TCEA2: variants seen among roughly 807,000 people sequenced by gnomAD.
TCEA2 encodes the protein transcription elongation factor A2.
In TCEA2, 21 loss-of-function variants were observed where a neutral mutation model predicts 40.8. That is an observed-to-expected ratio of 0.51 (90% CI 0.36 to 0.74). The LOEUF (loss-of-function observed/expected upper bound fraction) is 0.74, where lower values mean the gene tolerates loss of function less well. Ranked by LOEUF, TCEA2 falls within the 30% of genes least tolerant of loss-of-function variation. TCEA2 has a pLI of 0.00. For missense variants in TCEA2, 326 were observed against 426.5 expected (o/e 0.76, Z 2.08); for synonymous variants, 165 against 162.7 (o/e 1.01, Z -0.11).
intron 2 of TCEA2, 85 bp from the exon 3 acceptor site, chr20:64,066,830 G>T (rs2059704774): frequency 7.3e-7 from 1 of 1,371,732 alleles, no homozygotes; most frequent in Non-Finnish European, 1.0e-6. Context: ...CTCCTGTCCT[G>T]TGGGGGCCAC....
At chr20:64,065,981 A>T in intron 1 of TCEA2, 1 of 151,568 alleles carries the variant, frequency 6.6e-6, no homozygotes, top group Non-Finnish European at 1.5e-5. Context: ...TTGGCCCTTC[A>T]CAGCTGGTGG....
Position 64,066,462 on chromosome 20 carries a change from C to T in TCEA2, c.73-14C>T, listed in dbSNP as rs2059696615. On this transcript the variant is annotated splice_polypyrimidine_tract_variant and intron_variant, in intron 1 of 9. Coordinates refer to ENST00000343484, the MANE Select transcript of TCEA2 (RefSeq NM_003195.6). The stretch of plus-strand genomic sequence containing the variant: ...ATCTAAAGTCCTTTATGAAGGTCCT[C>T]CTTCTCCTTCCAGGAGGGAGCCATG... The T allele has an allele frequency of 6.2e-7, 1 of 1,613,284 alleles. No individual in the cohort carries two copies. The highest frequency in any genetic ancestry group is 8.5e-7 in the Non-Finnish European group (1 of 1,179,376).
upstream of TCEA2, among the ~76,000 whole-genome samples, chr20:64,061,654 G>A (rs189538294): frequency 2.4e-3 from 353 of 150,154 alleles, 2 homozygotes; most frequent in Middle Eastern, 0.011. Context: ...CAGATAATCC[G>A]CCCACCTCAG....
At chr20:64,069,309 T>A in intron 4 of TCEA2, 52 bp from the exon 5 acceptor site, 1 of 1,521,682 alleles carries the variant, frequency 6.6e-7, no homozygotes, top group Non-Finnish European at 8.9e-7. Context: ...AGTGTCTCGC[T>A]GGGGTGCCTG....
At chr20:64,070,750 A>G in intron 8 of TCEA2, 115 bp downstream of exon 8, 3 of 1,388,030 alleles carry the variant, frequency 2.2e-6, no homozygotes, top group Non-Finnish European at 2.9e-6. Context: ...CGAGCCTCTC[A>G]GTCCCTGAGT....
In TCEA2 at chr20:64,058,018, C is replaced by T. The variant is rs2059496542; in HGVS notation, c.-84+367C>T. Reference sequence around the variant, plus strand: ...CCTCTGCCCGGGGGCGGGACCATCCCACCGGATTGCAGGTTCCCTGATCAC... The same window carrying T: ...CCTCTGCCCGGGGGCGGGACCATCCTACCGGATTGCAGGTTCCCTGATCAC... On this transcript the variant is annotated intron_variant, in intron 1 of 10. Transcript: ENST00000361317. This position sits in a 1 kb window ranked among gnomAD's most constrained non-coding sequence, Gnocchi z 6.7. Among the ~76,000 whole-genome samples, 1 of 152,222 alleles carries T rather than the reference C, an allele frequency of 6.6e-6. No homozygotes were observed. Among genetic ancestry groups the T allele is most frequent in the African/African-American group, 2.4e-5 (1 of 41,460 alleles).
At position 64,071,916 on chromosome 20, in the gene TCEA2, G is replaced by GC; in HGVS notation, c.867dup (p.Asn290GlnfsTer38). 1 of 1,614,154 alleles carries GC rather than the reference G, an allele frequency of 6.2e-7. No homozygotes were observed. The highest frequency in any genetic ancestry group is 8.5e-7 in the Non-Finnish European group (1 of 1,180,018). On this transcript the variant is annotated frameshift_variant, in exon 9 of 10. Transcript: ENST00000343484. LOFTEE classifies it high-confidence loss of function. ...GAGCCCATGACCACCTTTGTTGTCT[G>GC]CAACGAGTGTGGAAACCGCTGGAAG...
At chr20:64,067,930 C>T (rs1041760089) in intron 3 of TCEA2, 117 bp from the exon 4 acceptor site, 6 of 736,774 alleles carry the variant, frequency 8.1e-6, no homozygotes, top group Admixed American at 6.6e-5. Context: ...GGGCTGGGGG[C>T]GGGGGCTGGG....
At chr20:64,064,281 T>A (rs6062625) in intron 1 of TCEA2, 31,542 of 152,284 alleles carry the variant, frequency 0.21, 3,621 homozygotes, top group South Asian at 0.26. Context: ...CACTGCGGCC[T>A]GGGCCTCTGT....
Position 64,070,242 on chromosome 20 carries a change from T to G in TCEA2, c.518-18T>G, listed in dbSNP as rs942096029. On this transcript the variant is annotated intron_variant, in intron 6 of 9. Transcript: ENST00000343484. ...GGCAGCGACGTTGTCCTCAGGTGGG[T>G]CCTTAAAACACTTGCACGCATCTTC... 2 of 1,613,280 alleles carry G rather than the reference T, an allele frequency of 1.2e-6. No individual in the cohort carries two copies. The highest frequency in any genetic ancestry group is 2.7e-5 in the African/African-American group (2 of 75,028).
At chr20:64,065,231 C>T (rs1282199621) in intron 1 of TCEA2, among the ~76,000 whole-genome samples, 1 of 152,082 alleles carries the variant, frequency 6.6e-6, no homozygotes, top group Non-Finnish European at 1.5e-5. Context: ...GCTATCACCT[C>T]AAGGCTGGAC....
chr20:64,069,065 A>G (rs1454673313), intron 4 of TCEA2, among the ~76,000 whole-genome samples: 1 of 152,238 alleles, frequency 6.6e-6, no homozygotes, highest in Non-Finnish European at 1.5e-5. Context: ...ATCGACTGGT[A>G]ATGCTGCCCA....
At chr20:64,058,819 G>A (rs942320613), upstream of TCEA2, among the ~76,000 whole-genome samples, 4 of 152,160 alleles carry the variant, frequency 2.6e-5, no homozygotes, top group Admixed American at 6.5e-5. The surrounding 1 kb of genome is among the most constrained non-coding windows in gnomAD (Gnocchi z 6.7). Context: ...GGTCAGCCAC[G>A]GGCCCAGCTG....
At chr20:64,061,247 T>C (rs6011270), upstream of TCEA2, among the ~76,000 whole-genome samples, 1,293 of 151,266 alleles carry the variant, frequency 8.5e-3, 21 homozygotes, top group African/African-American at 0.03. Context: ...ATTACAGGCA[T>C]GTGCCACCAC....
At chr20:64,072,050 GCCT>G in intron 9 of TCEA2, 109 bp downstream of exon 9, 1 of 1,595,476 alleles carries the variant, frequency 6.3e-7, no homozygotes, top group Non-Finnish European at 8.6e-7. Context: ...TGCCCAACCA[GCCT>G]CCTGGGAGTC....
upstream of TCEA2, among the ~76,000 whole-genome samples, chr20:64,060,569 C>A (rs192864807): frequency 2.8e-4 from 43 of 152,264 alleles, no homozygotes; most frequent in East Asian, 8.3e-3. Flanking sequence ...TGAGGCTGGA[C>A]CCTTCAAGTC....
intron 1 of TCEA2, 200 bp from the exon 2 acceptor site, chr20:64,066,276 G>A: frequency 1.7e-6 from 1 of 581,498 alleles, no homozygotes; most frequent in South Asian, 2.1e-5. Flanking sequence ...TGACTGAGCA[G>A]TAAGGGTTCC....
chr20:64,068,791 G>A (rs376428811), intron 4 of TCEA2, among the ~76,000 whole-genome samples: 275 of 152,392 alleles, frequency 1.8e-3, no homozygotes, highest in African/African-American at 6.5e-3. Flanking sequence ...AGGGCTAGGT[G>A]GATGCAGCCT....
Position 64,070,646 on chromosome 20 carries a change from G to A in TCEA2, c.819+11G>A, listed in dbSNP as rs373840096. 9.7e-5 allele frequency: 151 copies of A among 1,548,980 alleles called. No homozygotes were observed. Among genetic ancestry groups the A allele is most frequent in the African/African-American group, 5.6e-4 (41 of 73,180 alleles). ...TGCACCTACACACAGGTGAGCGGCCGCTGGGCACCCTCCCCCGGGCCCGGT... is the reference window on the plus strand; with the variant it reads ...TGCACCTACACACAGGTGAGCGGCCACTGGGCACCCTCCCCCGGGCCCGGT... On this transcript the variant is annotated intron_variant, in intron 8 of 9. Transcript: ENST00000343484.
Sources: gnomAD v4.1 joint callset for allele counts (sites outside exome capture counted in the v4.1 genomes callset) on GRCh38, gnomAD v4.1.1 for gene constraint, Gnocchi (gnomAD v3.1) non-coding constraint, MANE v1.5 for transcripts, NCBI Gene and HGNC (gene_info 2026-07-23, HGNC 2026-07-21) for gene names.